The following GLIS3 variants were observed in gnomAD, a reference collection of about 807,000 sequenced individuals.
GLIS3 encodes zinc finger protein GLIS3.
GLIS3 carries 53 observed loss-of-function variants against 78.6 expected under a neutral mutation model. That is an observed-to-expected ratio of 0.67 (90% CI 0.54 to 0.85). GLIS3 has a LOEUF of 0.85. Ranked by LOEUF, GLIS3 falls within the 40% of genes least tolerant of loss-of-function variation. GLIS3 has a pLI of 0.00. For synonymous variants in GLIS3, 684 were observed against 509.9 expected (o/e 1.34, Z -4.60); for missense variants, 1,703 against 1,231.1 (o/e 1.38, Z -5.74).
chr9:4,325,433 A>T (rs1040040270), intron 2 of GLIS3, among the ~76,000 whole-genome samples: 4 of 152,232 alleles, frequency 2.6e-5, no homozygotes, highest in African/African-American at 9.6e-5. Context: ...TTCATCTTTA[A>T]ATCAGCATTT....
intron 4 of GLIS3, among the ~76,000 whole-genome samples, chr9:3,970,965 G>C (rs1258243849): frequency 6.6e-6 from 1 of 151,848 alleles, no homozygotes; most frequent in Non-Finnish European, 1.5e-5. Flanking sequence ...AGGAAAAGAG[G>C]GAGAAAGGGA....
chr9:4,450,174 T>A, the GLIS3 span, among the ~76,000 whole-genome samples: 1 of 151,872 alleles, frequency 6.6e-6, no homozygotes, highest in East Asian at 1.9e-4. Context: ...GAGCTGAAAA[T>A]CACGACACGA....
the GLIS3 span, among the ~76,000 whole-genome samples, chr9:4,397,985 T>C: frequency 6.6e-6 from 1 of 152,108 alleles, no homozygotes; most frequent in African/African-American, 2.4e-5. Flanking sequence ...ACAGCCATTC[T>C]GTTCTGCCCT....
the GLIS3 span, among the ~76,000 whole-genome samples, chr9:4,367,298 C>T: frequency 6.6e-6 from 1 of 152,276 alleles, no homozygotes; most frequent in Non-Finnish European, 1.5e-5. Context: ...CACTTGATTG[C>T]TGCCCCTGTT....
At chr9:4,298,717 AG>A (rs1370930259) in intron 1 of GLIS3, among the ~76,000 whole-genome samples, 1 of 151,774 alleles carries the variant, frequency 6.6e-6, no homozygotes, top group African/African-American at 2.4e-5. Context: ...CCCGGCGGGG[AG>A]GGTTCGTGTC....
At chr9:3,860,567 A>G (rs1820148089) in intron 8 of GLIS3, among the ~76,000 whole-genome samples, 1 of 152,114 alleles carries the variant, frequency 6.6e-6, no homozygotes, top group Non-Finnish European at 1.5e-5. Context: ...AGACACTGAG[A>G]ACTGCTTAGG....
chr9:4,163,510 G>A (rs1586850166), intron 2 of GLIS3, among the ~76,000 whole-genome samples: 1 of 152,204 alleles, frequency 6.6e-6, no homozygotes. Context: ...GTCCAGCCTG[G>A]CCACATGTAG....
intron 2 of GLIS3, among the ~76,000 whole-genome samples, chr9:4,164,634 C>G (rs776205482): frequency 3.9e-5 from 6 of 152,164 alleles, no homozygotes; most frequent in Non-Finnish European, 7.3e-5. Context: ...TGGCTTTTAT[C>G]CCTCCAAAGG....
the GLIS3 span, among the ~76,000 whole-genome samples, chr9:4,360,085 A>T: frequency 6.6e-6 from 1 of 152,028 alleles, no homozygotes; most frequent in Non-Finnish European, 1.5e-5. Context: ...CTCCTAATGA[A>T]GTCATCATTT....
intron 2 of GLIS3, among the ~76,000 whole-genome samples, chr9:4,182,976 C>T (rs538332009): frequency 2.0e-5 from 3 of 152,266 alleles, no homozygotes; most frequent in East Asian, 1.9e-4. Context: ...GACACCCCAC[C>T]GCTCACACTC....
the GLIS3 span, among the ~76,000 whole-genome samples, chr9:4,380,780 G>T: frequency 6.6e-6 from 1 of 152,142 alleles, no homozygotes; most frequent in Non-Finnish European, 1.5e-5. Flanking sequence ...GGAGAATGTG[G>T]ATTTAATTCA....
chr9:3,890,766 AAC>A (rs1277941041), intron 7 of GLIS3, among the ~76,000 whole-genome samples: 1,740 of 148,748 alleles, frequency 0.012, 31 homozygotes, highest in African/African-American at 0.042. Flanking sequence ...ACAACAACAC[AAC>A]AACAACAAAC....
At chr9:3,850,131 G>A (rs1455087669) in intron 9 of GLIS3, among the ~76,000 whole-genome samples, 2 of 152,162 alleles carry the variant, frequency 1.3e-5, no homozygotes, top group African/African-American at 4.8e-5. Flanking sequence ...GGAAATTTAG[G>A]CAGGCAGTTC....
In GLIS3 at chr9:4,152,103, G is replaced by A. The variant is rs565798174; in HGVS notation, c.389-26162C>T. The stretch of plus-strand genomic sequence containing the variant: ...ACAAGTAACACAATATTTTTCTACG[G>A]CCATTCAAACCTCTATTAGTTGCCA... On this transcript the variant is annotated intron_variant, in intron 2 of 10. Coordinates refer to ENST00000381971, the MANE Select transcript of GLIS3 (RefSeq NM_001042413.2). The A allele has an allele frequency of 1.3e-4, 126 of 977,032 alleles. 1 individual carries two copies. In the African/African-American group the frequency reaches 1.8e-3, roughly 14 times the overall value. The allele number at this position is 977,032 out of a possible 1,614,324, so 60.5% of individuals were successfully genotyped here.
the GLIS3 span, among the ~76,000 whole-genome samples, chr9:4,375,649 T>C: frequency 6.6e-6 from 1 of 152,230 alleles, no homozygotes; most frequent in Admixed American, 6.5e-5. Context: ...CCTTATGGAA[T>C]GTTTGCTTCT....
At chr9:4,092,756 T>A (rs1300783039) in intron 4 of GLIS3, among the ~76,000 whole-genome samples, 1 of 152,208 alleles carries the variant, frequency 6.6e-6, no homozygotes, top group Admixed American at 6.5e-5. Context: ...TGAGGCTGTT[T>A]TATTAACTTT....
chr9:4,422,257 C>T, the GLIS3 span, among the ~76,000 whole-genome samples: 2,833 of 152,278 alleles, frequency 0.019, 73 homozygotes, highest in African/African-American at 0.065. Flanking sequence ...TTATTTTATG[C>T]ATTGTTCTGA....
intron 4 of GLIS3, among the ~76,000 whole-genome samples, chr9:4,065,273 G>C (rs1172347414): frequency 6.6e-6 from 1 of 152,110 alleles, no homozygotes; most frequent in African/African-American, 2.4e-5. Context: ...TAGCAACACA[G>C]CCCAAGGCAG....
chr9:3,972,781 C>G (rs1386698194), intron 4 of GLIS3, among the ~76,000 whole-genome samples: 1 of 152,038 alleles, frequency 6.6e-6, no homozygotes, highest in Non-Finnish European at 1.5e-5. Context: ...TTAATTTATT[C>G]CTCAAGTTGT....
Sources: allele counts gnomAD v4.1 joint callset (sites outside exome capture counted in the v4.1 genomes callset), GRCh38; gene constraint gnomAD v4.1.1; transcripts MANE v1.5; gene names NCBI Gene and HGNC (gene_info 2026-07-23, HGNC 2026-07-21).